Variants in TBXAS1 observed in about 807,000 individuals in gnomAD.
TBXAS1 encodes thromboxane A synthase 1.
Under a neutral mutation model 60.7 loss-of-function variants are expected in TBXAS1, and 48 were observed. The observed-to-expected ratio is 0.79, with a 90% confidence interval of 0.63 to 1.01. The LOEUF (loss-of-function observed/expected upper bound fraction) is 1.01, where lower values mean the gene tolerates loss of function less well. Among genes scored for constraint, TBXAS1 ranks in the 50% least tolerant of loss-of-function variants. The pLI, the probability that TBXAS1 is intolerant of heterozygous loss-of-function variation, is 0.00. For missense variants in TBXAS1, 685 were observed against 686.3 expected, an observed-to-expected ratio of 1.00 and a Z score of 0.02; for synonymous variants, 287 against 269.7, an observed-to-expected ratio of 1.06 and a Z score of -0.63.
chr7:139,783,946 T>A (rs1198747628), intron 3 of TBXAS1, among the ~76,000 whole-genome samples: 1 of 151,744 alleles, frequency 6.6e-6, no homozygotes, highest in African/African-American at 2.4e-5. Context: ...GTTAATCACC[T>A]CACTCTTCTT....
intron 5 of TBXAS1, among the ~76,000 whole-genome samples, chr7:139,944,999 T>C (rs182094339): frequency 1.5e-4 from 23 of 152,340 alleles, no homozygotes; most frequent in Non-Finnish European, 1.2e-4. Context: ...GGCTGAGTTT[T>C]GTGGGAAAGC....
Position 140,004,401 on chromosome 7 carries a change from C to A in TBXAS1, c.1135-2690C>A, listed in dbSNP as rs1428256992. ...GTTAAATTATTAGCAAGCATTTTAC[C>A]ATTCATCTTTATATCAAACAATGCC... On this transcript the variant is annotated intron_variant, in intron 9 of 12. Transcript: ENST00000448866. The surrounding 1 kb of genome is among the most constrained non-coding windows in gnomAD (Gnocchi z 5.1). 6.6e-6 allele frequency among the ~76,000 whole-genome samples: 1 copy of A among 152,192 alleles called. No homozygotes were observed. The highest frequency in any genetic ancestry group is 2.4e-5 in the African/African-American group (1 of 41,434).
At chr7:139,904,993 T>TTCTCTC (rs751056806) in intron 3 of TBXAS1, among the ~76,000 whole-genome samples, 11 of 125,438 alleles carry the variant, frequency 8.8e-5, no homozygotes, top group Non-Finnish European at 1.6e-4. Context: ...CTTTCTCTCT[T>TTCTCTC]TCTCTCTTTC....
chr7:140,002,942 G>A (rs1813776001), intron 9 of TBXAS1, among the ~76,000 whole-genome samples: 1 of 151,836 alleles, frequency 6.6e-6, no homozygotes, highest in East Asian at 2.0e-4. Flanking sequence ...TGACCAACAC[G>A]GTGAAACCTC....
At chr7:139,892,015 G>A (rs1803658081) in intron 3 of TBXAS1, among the ~76,000 whole-genome samples, 1 of 152,112 alleles carries the variant, frequency 6.6e-6, no homozygotes, top group African/African-American at 2.4e-5. Context: ...ACTGTGTAAG[G>A]CCACCTTGGG....
intron 10 of TBXAS1, among the ~76,000 whole-genome samples, chr7:140,010,443 T>A (rs1814521936): frequency 6.6e-6 from 1 of 152,216 alleles, no homozygotes; most frequent in South Asian, 2.1e-4. Flanking sequence ...GGTGCAGTTC[T>A]GAAGCTTCTG....
chr7:139,963,402 T>A (rs1418435363), intron 9 of TBXAS1, among the ~76,000 whole-genome samples: 1 of 152,254 alleles, frequency 6.6e-6, no homozygotes, highest in Non-Finnish European at 1.5e-5. Flanking sequence ...ATCTGAGACT[T>A]ATTAAGCATG....
chr7:139,875,556 T>A (rs746998854), intron 2 of TBXAS1, 29 bp from the exon 3 acceptor site: 48 of 1,606,036 alleles, frequency 3.0e-5, no homozygotes, highest in Non-Finnish European at 3.7e-5. Flanking sequence ...CTTAATCTTA[T>A]TCTTACTATA....
rs1272916372 is a variant in TBXAS1, at chr7:140,003,079, G to A, written c.1135-4012G>A. ...GCAGAGGTTGCAGTGAGCCGAGACC[G>A]GGCCATTGTACTCCAGCCTGGGCAA... On this transcript the variant is annotated intron_variant, in intron 9 of 12. Coordinates refer to ENST00000448866, the MANE Select transcript of TBXAS1 (RefSeq NM_001061.7). 4.0e-5 allele frequency among the ~76,000 whole-genome samples: 6 copies of A among 148,998 alleles called. No homozygotes were observed. The South Asian group carries it at 6.5e-4, about 16-fold the overall frequency.
chr7:140,002,902 T>G (rs1813772762), intron 9 of TBXAS1, among the ~76,000 whole-genome samples: 1 of 151,922 alleles, frequency 6.6e-6, no homozygotes, highest in African/African-American at 2.4e-5. Context: ...GGCAGGCGGA[T>G]TGCCTGAGGT....
At chr7:139,945,268 G>A (rs1192130733) in intron 5 of TBXAS1, among the ~76,000 whole-genome samples, 1 of 152,194 alleles carries the variant, frequency 6.6e-6, no homozygotes. Flanking sequence ...GACCTCCTTG[G>A]AATCTTCAAA....
At position 139,962,213 on chromosome 7, in the gene TBXAS1, G is replaced by A; in HGVS notation, c.1114G>A (p.Asp372Asn). The A allele has an allele frequency of 6.2e-7, 1 of 1,614,190 alleles. No individual in the cohort carries two copies. The highest frequency in any genetic ancestry group is 8.5e-7 in the Non-Finnish European group (1 of 1,180,038). Residue 372 changes from aspartate (D) to asparagine (N), a missense_variant, in exon 9 of 13, where the codon GAC (aspartate) becomes AAC (asparagine). Physicochemically the swap from Asp to Asn is conservative, Grantham distance 23. Coordinates refer to ENST00000448866, the MANE Select transcript of TBXAS1 (RefSeq NM_001061.7). ...DCQEKLLREV[D>N]VFKEKHMAPE... ...CCAAGAGAAGCTTCTGAGAGAGGTA[G>A]ACGTTTTTAAGGAGAAACACGTGAG...
chr7:140,009,975 A>G (rs187446398), intron 10 of TBXAS1, among the ~76,000 whole-genome samples: 5 of 38,750 alleles, frequency 1.3e-4, no homozygotes, highest in East Asian at 7.8e-4. Context: ...CACCTGCCCC[A>G]CACCTGCCCC....
chr7:139,985,596 T>C (rs1812392673), intron 9 of TBXAS1, among the ~76,000 whole-genome samples: 1 of 152,244 alleles, frequency 6.6e-6, no homozygotes, highest in African/African-American at 2.4e-5. Context: ...TTATTTGTTC[T>C]AAAAAATTAA....
At chr7:139,962,362 T>G (rs761688708) in intron 9 of TBXAS1, 129 bp downstream of exon 9, 7 of 1,179,684 alleles carry the variant, frequency 5.9e-6, no homozygotes, top group Non-Finnish European at 8.6e-6. Flanking sequence ...TGAAATAGGG[T>G]CATTGCTTGG....
intron 4 of TBXAS1, among the ~76,000 whole-genome samples, chr7:139,807,331 T>C (rs1227306587): frequency 1.3e-5 from 2 of 151,730 alleles, no homozygotes; most frequent in African/African-American, 2.4e-5. Context: ...CTCAGCCTCC[T>C]CCAGCCTCAG....
chr7:139,930,526 C>T (rs1335299161), intron 4 of TBXAS1, among the ~76,000 whole-genome samples: 3 of 152,198 alleles, frequency 2.0e-5, no homozygotes, highest in Non-Finnish European at 2.9e-5. Flanking sequence ...TGAACCCAGG[C>T]ATCTGACTCT....
In TBXAS1 at chr7:139,999,396, C is replaced by T. The variant is rs58009381; in HGVS notation, c.1135-7695C>T. ...ATAACTACGTGGGCATGGTGGTGAG[C>T]GCCTGTAATTCCAGCTACTTGGGAG... On this transcript the variant is annotated intron_variant, in intron 9 of 12. Transcript: ENST00000448866. This position sits in a 1 kb window ranked among gnomAD's most constrained non-coding sequence, Gnocchi z 4.3. Among the ~76,000 whole-genome samples, 3 of 152,108 alleles carry T rather than the reference C, an allele frequency of 2.0e-5. No homozygotes were observed. Among genetic ancestry groups the T allele is most frequent in the East Asian group, 1.9e-4 (1 of 5,180 alleles).
rs1357432086 is a variant in TBXAS1, at chr7:139,896,194, C to A, written c.237-15031C>A. On this transcript the variant is annotated intron_variant, in intron 3 of 12. Coordinates refer to ENST00000448866, the MANE Select transcript of TBXAS1 (RefSeq NM_001061.7). The surrounding 1 kb of genome is among the most constrained non-coding windows in gnomAD (Gnocchi z 4.0). ...ATGGGCTTTGTCTTGAGAGAACTTG[C>A]AGAGCGATCAGGAGCTTATCAATAA... 6.6e-6 allele frequency among the ~76,000 whole-genome samples: 1 copy of A among 152,096 alleles called. No individual in the cohort carries two copies. The highest frequency in any genetic ancestry group is 1.5e-5 in the Non-Finnish European group (1 of 68,014).
Sources: gnomAD v4.1 joint callset for allele counts (sites outside exome capture counted in the v4.1 genomes callset) on GRCh38, gnomAD v4.1.1 for gene constraint, Gnocchi (gnomAD v3.1) non-coding constraint, MANE v1.5 for transcripts, NCBI Gene and HGNC (gene_info 2026-07-23, HGNC 2026-07-21) for gene names.